The following NFIB variants were observed in gnomAD, a reference collection of about 807,000 sequenced individuals.
NFIB encodes nuclear factor 1 B-type.
Under a neutral mutation model 61.5 loss-of-function variants are expected in NFIB, and 11 were observed. The ratio of observed to expected loss-of-function variants is 0.18; its 90% confidence interval spans 0.11 to 0.30. NFIB has a LOEUF of 0.30. Ranked by LOEUF, NFIB falls within the 10% of genes least tolerant of loss-of-function variation. The pLI, the probability that NFIB is intolerant of heterozygous loss-of-function variation, is 1.00. For missense variants in NFIB, 471 were observed against 608.9 expected, an observed-to-expected ratio of 0.77 and a Z score of 2.38; for synonymous variants, 260 against 216.5, an observed-to-expected ratio of 1.20 and a Z score of -1.76.
At chr9:14,205,405 A>T (rs1256463146) in intron 2 of NFIB, among the ~76,000 whole-genome samples, 2 of 151,526 alleles carry the variant, frequency 1.3e-5, no homozygotes, top group Non-Finnish European at 2.9e-5. Flanking sequence ...TGAAGAATTA[A>T]AAATACTTCA....
intron 6 of NFIB, among the ~76,000 whole-genome samples, chr9:14,127,785 A>G (rs2039863440): frequency 6.6e-6 from 1 of 152,156 alleles, no homozygotes; most frequent in Admixed American, 6.5e-5. Flanking sequence ...TAAAGGATGA[A>G]TATGCTACTG....
intron 3 of NFIB, among the ~76,000 whole-genome samples, chr9:14,166,436 T>G (rs972266143): frequency 6.6e-6 from 1 of 152,234 alleles, no homozygotes; most frequent in Non-Finnish European, 1.5e-5. Context: ...CACTGTCTCC[T>G]GTTATTTAAT....
chr9:14,406,538 G>C, the NFIB span, among the ~76,000 whole-genome samples: 2 of 152,156 alleles, frequency 1.3e-5, no homozygotes, highest in South Asian at 4.1e-4. Flanking sequence ...GTGTGATTGT[G>C]CTGTGTGTAG....
intron 1 of NFIB, among the ~76,000 whole-genome samples, chr9:14,385,405 T>C (rs1208965565): frequency 6.6e-6 from 1 of 152,250 alleles, no homozygotes; most frequent in Non-Finnish European, 1.5e-5. Flanking sequence ...ACAGCCATCA[T>C]ACAGAGGGGG....
intron 1 of NFIB, among the ~76,000 whole-genome samples, chr9:14,393,789 T>C (rs1281233681): frequency 6.6e-6 from 1 of 152,212 alleles, no homozygotes; most frequent in African/African-American, 2.4e-5. Context: ...TAAATGCCAC[T>C]AGTGACTGCC....
rs569699248 is a variant in NFIB at position 14,088,074 on chromosome 9, A to G, written c.*235T>C. 9.9e-5 allele frequency: 88 copies of G among 890,416 alleles called. No homozygotes were observed. Among genetic ancestry groups the G allele is most frequent in the Non-Finnish European group, 1.2e-4 (80 of 653,128 alleles). 55.2% of individuals were successfully genotyped at this position (890,416 alleles called of 1,614,324 possible). A position where few individuals can be genotyped will look rare whatever the true frequency, so the allele number is the denominator to read the frequency against. On this transcript the variant is annotated 3_prime_UTR_variant, in exon 11 of 11. Transcript: ENST00000380953. ...TTGTAAGTGCTGCAATTGCTGGTCT[A>G]TTATCTTCTTTCTTCAGTTTCTTTC...
At chr9:14,095,968 A>G (rs1162926556) in intron 10 of NFIB, among the ~76,000 whole-genome samples, 5 of 152,142 alleles carry the variant, frequency 3.3e-5, no homozygotes, top group Non-Finnish European at 5.9e-5. Flanking sequence ...CTTGACCTTA[A>G]GATTTTGCCA....
At chr9:14,274,235 T>C (rs2057833310) in intron 2 of NFIB, among the ~76,000 whole-genome samples, 1 of 137,266 alleles carries the variant, frequency 7.3e-6, no homozygotes, top group South Asian at 2.4e-4. Context: ...TTTCTCTCTC[T>C]AGCATTCTTC....
chr9:14,422,633 T>A, the NFIB span, among the ~76,000 whole-genome samples: 1 of 152,218 alleles, frequency 6.6e-6, no homozygotes, highest in Non-Finnish European at 1.5e-5. Flanking sequence ...CACTTTCCAC[T>A]CAAGACACTC....
chr9:14,380,979 T>G (rs1332975335), intron 1 of NFIB, among the ~76,000 whole-genome samples: 3 of 149,794 alleles, frequency 2.0e-5, no homozygotes, highest in Non-Finnish European at 4.4e-5. Context: ...TCCTTCATTG[T>G]TCATCTGATT....
chr9:14,173,272 C>T (rs1203727917), intron 3 of NFIB, among the ~76,000 whole-genome samples: 1 of 152,156 alleles, frequency 6.6e-6, no homozygotes, highest in Non-Finnish European at 1.5e-5. Flanking sequence ...CCCTTATAAT[C>T]ATTCAAGGGA....
the NFIB span, among the ~76,000 whole-genome samples, chr9:14,507,969 CAA>C: frequency 1.7e-4 from 22 of 132,212 alleles, no homozygotes; most frequent in South Asian, 4.3e-3. Context: ...CAGACACACA[CAA>C]ACACACACAC....
At chr9:14,524,139 T>C in the NFIB span, among the ~76,000 whole-genome samples, 4 of 152,158 alleles carry the variant, frequency 2.6e-5, no homozygotes, top group African/African-American at 9.7e-5. Context: ...TACAAAATGC[T>C]GTTTAGGGCT....
chr9:14,109,102 T>C (rs1437608418), intron 10 of NFIB, among the ~76,000 whole-genome samples: 1 of 152,084 alleles, frequency 6.6e-6, no homozygotes, highest in Non-Finnish European at 1.5e-5. Flanking sequence ...GAAAGAGGCC[T>C]GAAATTAGCA....
chr9:14,257,612 C>T (rs569990384), intron 2 of NFIB, among the ~76,000 whole-genome samples: 2 of 151,982 alleles, frequency 1.3e-5, no homozygotes, highest in African/African-American at 2.4e-5. Context: ...AAAAATTAGC[C>T]GGGCATGGTT....
At chr9:14,204,098 A>T (rs1282570382) in intron 2 of NFIB, 1 of 375,686 alleles carries the variant, frequency 2.7e-6, no homozygotes, top group African/African-American at 2.1e-5. Flanking sequence ...CCAAAAAATT[A>T]ATTTGTTTTC....
At chr9:14,506,592 T>G in the NFIB span, among the ~76,000 whole-genome samples, 1 of 152,128 alleles carries the variant, frequency 6.6e-6, no homozygotes, top group East Asian at 1.9e-4. Flanking sequence ...AAAATAAATA[T>G]GGAGAGATGC....
chr9:14,283,798 T>C (rs1304249064), intron 2 of NFIB, among the ~76,000 whole-genome samples: 1 of 152,192 alleles, frequency 6.6e-6, no homozygotes, highest in East Asian at 1.9e-4. Context: ...ACAGTGTCTG[T>C]AGGACAAACA....
At chr9:14,243,913 G>C (rs1298693427) in intron 2 of NFIB, among the ~76,000 whole-genome samples, 1 of 152,174 alleles carries the variant, frequency 6.6e-6, no homozygotes, top group Non-Finnish European at 1.5e-5. Context: ...GCATTAAAAT[G>C]ACATTGGTAG....
Sources: allele counts gnomAD v4.1 joint callset (sites outside exome capture counted in the v4.1 genomes callset), GRCh38; gene constraint gnomAD v4.1.1; transcripts MANE v1.5; gene names NCBI Gene and HGNC (gene_info 2026-07-23, HGNC 2026-07-21).